BUB1: variants seen among roughly 807,000 people sequenced by gnomAD.
BUB1 encodes BUB1 mitotic checkpoint serine/threonine kinase, also known as mitotic checkpoint serine/threonine-protein kinase BUB1.
In BUB1, 84 loss-of-function variants were observed where a neutral mutation model predicts 135.2. That is an observed-to-expected ratio of 0.62 (90% CI 0.52 to 0.74). BUB1 has a LOEUF of 0.74. BUB1 is among the 30% of genes least tolerant of loss of function. The pLI, the probability that BUB1 is intolerant of heterozygous loss-of-function variation, is 0.00. For missense variants in BUB1, 1,162 were observed against 1,288.3 expected, an observed-to-expected ratio of 0.90 and a Z score of 1.50; for synonymous variants, 403 against 434.4, an observed-to-expected ratio of 0.93 and a Z score of 0.90.
rs764337135 is a variant in BUB1 at position 110,666,396 on chromosome 2, T to C, written c.824A>G (p.Tyr275Cys). 1 of 1,463,698 alleles carries C rather than the reference T, an allele frequency of 6.8e-7. No individual in the cohort carries two copies. The highest frequency in any genetic ancestry group is 9.1e-7 in the Non-Finnish European group (1 of 1,101,696). 90.7% of individuals were successfully genotyped at this position (1,463,698 alleles called of 1,614,324 possible). A position where few individuals can be genotyped will look rare whatever the true frequency, so the allele number is the denominator to read the frequency against. The change falls in exon 9 of 25, where the codon TAT becomes TGT. Residue 275 changes from tyrosine (Y) to cysteine (C), a missense_variant. Transcript: ENST00000302759. ...HEQWVNEDRH[Y>C]MKRKEANAFE... ...AGCATTTGCTTCTTTCCTTTTCATA[T>C]AATGTCTGTCTTCATTTACTTTAGG...
intron 19 of BUB1, among the ~76,000 whole-genome samples, chr2:110,646,813 A>G (rs1008166298): frequency 4.6e-5 from 7 of 152,242 alleles, no homozygotes; most frequent in African/African-American, 9.6e-5. Flanking sequence ...CTAAAAATCA[A>G]TGAGATTCTA....
chr2:110,658,569 A>C, intron 12 of BUB1, 45 bp downstream of exon 12: 1 of 1,613,956 alleles, frequency 6.2e-7, no homozygotes, highest in African/African-American at 1.3e-5. Context: ...AAGAGCTTTC[A>C]TTAACTTGTC....
rs1167019707 is a variant in BUB1, at chr2:110,650,675, C to G, written c.2074G>C (p.Glu692Gln). ...AGTCTGCAAGCCTCAACGCCCAACT[C>G]TGCCTCACAGGTAAGTACCCCACCT... is the stretch of plus-strand genomic sequence containing the variant. ...AAGGVLTCEAELGVEACRLTD... is the reference protein window; with the variant it reads ...AAGGVLTCEAQLGVEACRLTD... The change falls in exon 18 of 25, where the codon GAG (glutamate) becomes CAG (glutamine). Residue 692 changes from glutamate to glutamine, a missense_variant. Transcript: ENST00000302759. 2 of 1,614,030 alleles carry G rather than the reference C, an allele frequency of 1.2e-6. No individual in the cohort carries two copies. Among genetic ancestry groups the G allele is most frequent in the Admixed American group, 1.7e-5 (1 of 59,960 alleles).
At chr2:110,638,447 A>C (rs1172031658) in intron 24 of BUB1, among the ~76,000 whole-genome samples, 2 of 152,178 alleles carry the variant, frequency 1.3e-5, no homozygotes, top group African/African-American at 4.8e-5. Flanking sequence ...TAAAAACCCA[A>C]ACTATCTGCT....
At position 110,674,176 on chromosome 2, in the gene BUB1, C is replaced by G; in HGVS notation, c.135G>C (p.Leu45Phe). The G allele has an allele frequency of 6.3e-7, 1 of 1,594,672 alleles. No individual in the cohort carries two copies. Among genetic ancestry groups the G allele is most frequent in the Non-Finnish European group, 8.6e-7 (1 of 1,163,210 alleles). The part of the protein sequence containing the change: ...EENFPENKEY[L>F]ITLLEHLMKE... ...TCATTAAATGTTCTAGTAAAGTTAT[C>G]AAGTATTCTTTATTCTCAGGAAAAT... The change falls in exon 3 of 25, where the codon TTG becomes TTC. Residue 45 changes from leucine (L) to phenylalanine (F), a missense_variant. Coordinates refer to ENST00000302759, the MANE Select transcript of BUB1 (RefSeq NM_004336.5).
chr2:110,663,324 G>A (rs896442792), intron 9 of BUB1, among the ~76,000 whole-genome samples: 1 of 152,128 alleles, frequency 6.6e-6, no homozygotes, highest in African/African-American at 2.4e-5. Context: ...AAATGATCAA[G>A]AAGAGATCTA....
At position 110,657,170 on chromosome 2, in the gene BUB1, T is replaced by A; in HGVS notation, c.1617-53A>T. 4 of 1,456,050 alleles carry A rather than the reference T, an allele frequency of 2.7e-6. No homozygotes were observed. The South Asian group carries it at 4.8e-5, about 18-fold the overall frequency. The allele number at this position is 1,456,050 out of a possible 1,614,324, so 90.2% of individuals were successfully genotyped here. ...TAGTAAAATATGCTAAGGAAATAAATGCTATCACTTGACCATTAGAAAAGT... is the reference window on the plus strand; with the variant it reads ...TAGTAAAATATGCTAAGGAAATAAAAGCTATCACTTGACCATTAGAAAAGT... On this transcript the variant is annotated intron_variant, in intron 14 of 24. Transcript: ENST00000302759.
In BUB1 at chr2:110,669,481, T is replaced by C; in HGVS notation, c.539A>G (p.Asn180Ser). 1 of 1,603,332 alleles carries C rather than the reference T, an allele frequency of 6.2e-7. No individual in the cohort carries two copies. Among genetic ancestry groups the C allele is most frequent in the Non-Finnish European group, 8.5e-7 (1 of 1,170,222 alleles). The change falls in exon 6 of 25, where the codon AAT becomes AGT. Residue 180 changes from asparagine to serine, a missense_variant. Asn to Ser is a conservative substitution (Grantham distance 46). Transcript: ENST00000302759. The part of the protein sequence containing the change: ...QMITSKSNPG[N>S]NMACISKNQG... ...ATTCTTAGAAATGCAGGCCATGTTA[T>C]TTCCTGGATTTGATTTTGATGTTAT...
chr2:110,657,442 T>G lies in BUB1; in HGVS notation c.1616+104A>C, dbSNP rs1689962527. On this transcript the variant is annotated intron_variant, in intron 14 of 24. Transcript: ENST00000302759. ...CTGGTTGTGTGGTCAAAAGGCTCAT[T>G]TGACCATGTGATTGGCAGTTCACAT... The G allele has an allele frequency of 3.7e-6, 3 of 805,984 alleles. No homozygotes were observed. The South Asian group carries it at 7.5e-5, about 20-fold the overall frequency. 49.9% of individuals were successfully genotyped at this position (805,984 alleles called of 1,614,324 possible). A position where few individuals can be genotyped will look rare whatever the true frequency, so the allele number is the denominator to read the frequency against.
intron 11 of BUB1, among the ~76,000 whole-genome samples, chr2:110,659,302 C>T (rs1286340863): frequency 1.3e-5 from 2 of 152,224 alleles, no homozygotes; most frequent in African/African-American, 2.4e-5. Context: ...GGCATGGTAG[C>T]TCCCTAACTT....
In BUB1 at chr2:110,657,626, C is replaced by T; in HGVS notation, c.1536G>A (p.Gly512=). 6.3e-7 allele frequency: 1 copy of T among 1,589,250 alleles called. No homozygotes were observed. The highest frequency in any genetic ancestry group is 8.6e-7 in the Non-Finnish European group (1 of 1,167,304). ...AQFQKNVRSS[G]AWGVNKIISS... is the part of the protein sequence containing the mutation. ...AGATGATCTTATTGACTCCCCAAGC[C>T]CCAGATGACCTTACATTTTCTGCAA... Residue 512 remains glycine (G), a synonymous_variant, in exon 14 of 25, where the codon GGG becomes GGA. Coordinates refer to ENST00000302759, the MANE Select transcript of BUB1 (RefSeq NM_004336.5).
intron 1 of BUB1, among the ~76,000 whole-genome samples, chr2:110,676,243 T>A (rs754493856): frequency 3.9e-5 from 6 of 152,054 alleles, no homozygotes; most frequent in Non-Finnish European, 8.8e-5. Context: ...AAAAGATACA[T>A]GGCTCACAAA....
chr2:110,667,440 T>C (rs1690288512), intron 8 of BUB1, 81 bp downstream of exon 8: 2 of 1,342,300 alleles, frequency 1.5e-6, no homozygotes, highest in Non-Finnish European at 2.0e-6. Context: ...TAGTCAATTA[T>C]TCTTTAAAAA....
At chr2:110,642,723 T>G (rs528063743) in intron 19 of BUB1, 1 of 152,758 alleles carries the variant, frequency 6.5e-6, no homozygotes, top group East Asian at 1.9e-4. Context: ...AGACAGGGTC[T>G]TGCTGTTGCC....
chr2:110,657,333 C>A (rs1203312424), intron 14 of BUB1, among the ~76,000 whole-genome samples: 1 of 152,042 alleles, frequency 6.6e-6, no homozygotes, highest in African/African-American at 2.4e-5. Flanking sequence ...GTGGGAAGTA[C>A]AGAAATTTCT....
rs200740694 is a variant in BUB1 at position 110,661,776 on chromosome 2, T to C, written c.1023A>G (p.Pro341=). ...TCACTGGTGTCTGCTGATAGGTTAC[T>C]GGAAGACATGGCGCTCTCAGTTCCT... is the stretch of plus-strand genomic sequence containing the variant. ...SQQELRAPCL[P]VTYQQTPVNM... Residue 341 remains proline (P), a synonymous_variant, in exon 10 of 25, where the codon CCA becomes CCG. Transcript: ENST00000302759. 2,055 of 1,614,254 alleles carry C rather than the reference T, an allele frequency of 1.3e-3. 37 individuals are homozygous for C. The South Asian group carries it at 0.021, about 16-fold the overall frequency.
chr2:110,659,633 G>C (rs186647496), intron 11 of BUB1, among the ~76,000 whole-genome samples: 63 of 152,286 alleles, frequency 4.1e-4, no homozygotes, highest in Admixed American at 2.9e-3. Context: ...CTCTAACAAA[G>C]TAGTACCGAA....
intron 16 of BUB1, among the ~76,000 whole-genome samples, 180 bp from the exon 17 acceptor site, chr2:110,653,703 C>T (rs1178962282): frequency 6.6e-6 from 1 of 152,136 alleles, no homozygotes; most frequent in African/African-American, 2.4e-5. Context: ...GAAAAAATCA[C>T]TTTAAAAAAA....
At chr2:110,670,431 C>G in intron 5 of BUB1, 94 bp downstream of exon 5, 2 of 1,441,890 alleles carry the variant, frequency 1.4e-6, no homozygotes, top group Non-Finnish European at 1.9e-6. Context: ...AGCCACCATG[C>G]CCAGCCGGGT....
Sources: gnomAD v4.1 joint callset for allele counts (sites outside exome capture counted in the v4.1 genomes callset) on GRCh38, gnomAD v4.1.1 for gene constraint, MANE v1.5 for transcripts, NCBI Gene and HGNC (gene_info 2026-07-23, HGNC 2026-07-21) for gene names.